SESTD1: variants seen among roughly 807,000 people sequenced by gnomAD.
SESTD1 encodes the protein SEC14 and spectrin domain containing 1.
SESTD1 carries 43 observed loss-of-function variants against 101.7 expected under a neutral mutation model. The observed-to-expected ratio is 0.42, with a 90% CI of 0.33 to 0.55. SESTD1 has a LOEUF of 0.55. Ranked by LOEUF, SESTD1 falls within the 20% of genes least tolerant of loss-of-function variation. SESTD1 has a pLI of 0.07. For missense variants in SESTD1, 647 were observed against 815.1 expected, an observed-to-expected ratio of 0.79 and a Z score of 2.51; for synonymous variants, 283 against 286.8, an observed-to-expected ratio of 0.99 and a Z score of 0.13.
chr2:179,143,994 G>GT (rs1400010830), intron 8 of SESTD1, among the ~76,000 whole-genome samples, 191 bp from the exon 9 acceptor site: 2 of 151,914 alleles, frequency 1.3e-5, no homozygotes, highest in African/African-American at 4.8e-5. Flanking sequence ...ATATATGTGT[G>GT]TATGTGTGTG....
At chr2:179,232,155 A>G (rs1433984384) in intron 1 of SESTD1, among the ~76,000 whole-genome samples, 1 of 152,118 alleles carries the variant, frequency 6.6e-6, no homozygotes, top group Non-Finnish European at 1.5e-5. Context: ...AGTAGTAATA[A>G]TGCAAACACT....
chr2:179,204,415 A>G (rs147622663), intron 1 of SESTD1, among the ~76,000 whole-genome samples: 2 of 134,544 alleles, frequency 1.5e-5, no homozygotes, highest in Admixed American at 1.4e-4. Flanking sequence ...ATTTCTGACA[A>G]CTTTTTTGCC....
chr2:179,200,802 T>C lies in SESTD1; in HGVS notation c.-25-8936A>G, dbSNP rs1392166093. 5.2e-5 allele frequency among the ~76,000 whole-genome samples: 7 copies of C among 134,328 alleles called. 3 individuals are homozygous for C. The highest frequency in any genetic ancestry group is 2.1e-4 in the African/African-American group (7 of 33,922). The allele number at this position is 134,328 out of a possible 152,430, so 88.1% of individuals were successfully genotyped here. On this transcript the variant is annotated intron_variant, in intron 1 of 17. Coordinates refer to ENST00000428443, the MANE Select transcript of SESTD1 (RefSeq NM_178123.5). ...TGGATTAAAGACTTAAACATTAGAC[T>C]GAAAACCATAAAAACCCTAGAAGAA...
At chr2:179,156,206 C>T (rs1006612699) in intron 5 of SESTD1, among the ~76,000 whole-genome samples, 2 of 151,838 alleles carry the variant, frequency 1.3e-5, no homozygotes, top group South Asian at 4.2e-4. Context: ...CACATATATA[C>T]ATCACAGTTT....
chr2:179,159,198 A>G (rs2045687622), intron 5 of SESTD1, among the ~76,000 whole-genome samples: 1 of 152,204 alleles, frequency 6.6e-6, no homozygotes, highest in Non-Finnish European at 1.5e-5. Context: ...GTAAGAGGAA[A>G]GAGAATCCCT....
At chr2:179,126,959 G>A (rs1361354638) in intron 10 of SESTD1, among the ~76,000 whole-genome samples, 1 of 152,058 alleles carries the variant, frequency 6.6e-6, no homozygotes, top group Non-Finnish European at 1.5e-5. Flanking sequence ...CATTTTCATT[G>A]CTAGTCTCTG....
At chr2:179,234,649 A>G (rs1359296160) in intron 1 of SESTD1, among the ~76,000 whole-genome samples, 1 of 152,096 alleles carries the variant, frequency 6.6e-6, no homozygotes, top group Non-Finnish European at 1.5e-5. Context: ...CCAGTAAAGG[A>G]ACAAAACAAT....
chr2:179,224,821 A>G (rs545566313), intron 1 of SESTD1, among the ~76,000 whole-genome samples: 51 of 152,314 alleles, frequency 3.3e-4, no homozygotes, highest in African/African-American at 1.1e-3. Flanking sequence ...CAGAGGTCAT[A>G]GAAGCTCTAT....
chr2:179,173,717 T>C (rs970453774), intron 4 of SESTD1, among the ~76,000 whole-genome samples: 18 of 152,144 alleles, frequency 1.2e-4, no homozygotes, highest in Admixed American at 1.0e-3. Context: ...AAGGTCCAGA[T>C]AATAAGTTAT....
chr2:179,161,928 C>T (rs1400769034), intron 5 of SESTD1, among the ~76,000 whole-genome samples: 1 of 152,018 alleles, frequency 6.6e-6, no homozygotes, highest in Non-Finnish European at 1.5e-5. Context: ...ATGTTTTTTA[C>T]CATTATTTTT....
intron 1 of SESTD1, among the ~76,000 whole-genome samples, chr2:179,227,203 GAA>G (rs934724643): frequency 6.6e-6 from 1 of 152,022 alleles, no homozygotes; most frequent in African/African-American, 2.4e-5. Flanking sequence ...TCAAAACTTG[GAA>G]AAAGTCACTA....
In SESTD1 at chr2:179,205,799, T is replaced by C. The variant is rs749018858; in HGVS notation, c.-25-13933A>G. The stretch of plus-strand genomic sequence containing the variant: ...TAAAGCAGTCAAGAGATGAAAACAA[T>C]TGTATTTACTCTGTATCTCTTCCTC... On this transcript the variant is annotated intron_variant, in intron 1 of 17. Coordinates refer to ENST00000428443, the MANE Select transcript of SESTD1 (RefSeq NM_178123.5). 4.0e-4 allele frequency among the ~76,000 whole-genome samples: 51 copies of C among 127,730 alleles called. 11 individuals are homozygous for C. Among genetic ancestry groups the C allele is most frequent in the African/African-American group, 1.5e-3 (41 of 27,612 alleles). The allele number at this position is 127,730 out of a possible 152,430, so 83.8% of individuals were successfully genotyped here. A position where few individuals can be genotyped will look rare whatever the true frequency, so the allele number is the denominator to read the frequency against.
At chr2:179,184,327 A>T (rs1431686217) in intron 2 of SESTD1, among the ~76,000 whole-genome samples, 1 of 152,182 alleles carries the variant, frequency 6.6e-6, no homozygotes, top group African/African-American at 2.4e-5. Flanking sequence ...ATCGCTAGAC[A>T]TCTATCACTA....
At chr2:179,137,160 T>A (rs754968497) in intron 9 of SESTD1, among the ~76,000 whole-genome samples, 1 of 152,178 alleles carries the variant, frequency 6.6e-6, no homozygotes, top group Admixed American at 6.5e-5. Context: ...TCCATATCAA[T>A]GTGACCCTTC....
intron 1 of SESTD1, among the ~76,000 whole-genome samples, chr2:179,259,383 C>A (rs188152325): frequency 2.0e-5 from 3 of 152,042 alleles, no homozygotes; most frequent in Non-Finnish European, 4.4e-5. Context: ...GGTGCCCCCA[C>A]GACACCCGAC....
At chr2:179,159,107 C>G (rs1334641884) in intron 5 of SESTD1, among the ~76,000 whole-genome samples, 3 of 152,084 alleles carry the variant, frequency 2.0e-5, no homozygotes, top group Non-Finnish European at 4.4e-5. Context: ...TAAGAGTGTG[C>G]AATAGTAGGA....
intron 5 of SESTD1, among the ~76,000 whole-genome samples, chr2:179,165,018 G>C (rs1481880504): frequency 3.3e-5 from 5 of 152,044 alleles, no homozygotes; most frequent in Non-Finnish European, 7.4e-5. Context: ...AAAATAATTT[G>C]CAATTAAACG....
chr2:179,123,315 C>A (rs1216456902), intron 12 of SESTD1, among the ~76,000 whole-genome samples: 1 of 152,134 alleles, frequency 6.6e-6, no homozygotes. Context: ...ACTATTTTTT[C>A]ACAAGGTTAG....
chr2:179,116,271 CTTAAAAAAAAAAAAAAAGACACTT>C (rs1405872065), intron 15 of SESTD1, among the ~76,000 whole-genome samples: 2 of 141,076 alleles, frequency 1.4e-5, no homozygotes, highest in African/African-American at 5.2e-5. Flanking sequence ...AAGACTGTGT[CTTAAAAAAAAAAAAAAAGACACTT>C]TTCACCACAA....
Sources: gnomAD v4.1 joint callset for allele counts (sites outside exome capture counted in the v4.1 genomes callset) on GRCh38, gnomAD v4.1.1 for gene constraint, MANE v1.5 for transcripts, NCBI Gene and HGNC (gene_info 2026-07-23, HGNC 2026-07-21) for gene names.